Variants in CFAP20DC observed in about 807,000 individuals in gnomAD.
CFAP20DC encodes CFAP20 domain containing, also known as protein CFAP20DC.
Under a neutral mutation model 101.7 loss-of-function variants are expected in CFAP20DC, and 84 were observed. The observed-to-expected ratio is 0.83, with a 90% CI of 0.69 to 0.99. The LOEUF (loss-of-function observed/expected upper bound fraction) is 0.99. Ranked by LOEUF, CFAP20DC falls within the 50% of genes least tolerant of loss-of-function variation. The pLI, the probability that CFAP20DC is intolerant of heterozygous loss-of-function variation, is 0.00. For synonymous variants in CFAP20DC, 359 were observed against 351.2 expected, an observed-to-expected ratio of 1.02 and a Z score of -0.25; for missense variants, 1,007 against 970.3, an observed-to-expected ratio of 1.04 and a Z score of -0.50.
At position 58,863,654 on chromosome 3, in the gene CFAP20DC, C is replaced by A; in HGVS notation, c.1497G>T (p.Glu499Asp). The A allele has an allele frequency of 6.2e-7, 1 of 1,614,156 alleles. No individual in the cohort carries two copies. Among genetic ancestry groups the A allele is most frequent in the Non-Finnish European group, 8.5e-7 (1 of 1,180,040 alleles). Reference protein sequence around the residue: ...HGKTQTMSPEELSFILDLKED... With the variant: ...HGKTQTMSPEDLSFILDLKED... ...CTTTTAGATCCAAAATAAATGAGAG[C>A]TCCTCTGGGGACATAGTCTGAGTCT... is the stretch of plus-strand genomic sequence containing the variant. Residue 499 changes from glutamate (E) to aspartate (D), a missense_variant, in exon 12 of 17, where the codon GAG (glutamate) becomes GAT (aspartate). By Grantham distance (45) the Glu-to-Asp change is conservative. Coordinates refer to ENST00000482387, the MANE Select transcript of CFAP20DC (RefSeq NM_001394063.1). This position sits in a 1 kb window ranked among gnomAD's most constrained non-coding sequence, Gnocchi z 5.9.
Position 59,046,156 on chromosome 3 carries a change from G to C in CFAP20DC, c.205+73C>G, listed in dbSNP as rs1699843369. ...ATGTCAGTAGAAGTCATACTAATGT[G>C]CCTGTTTATGAGACATAAAAGCAGA... On this transcript the variant is annotated intron_variant, in intron 3 of 16. Coordinates refer to ENST00000482387, the MANE Select transcript of CFAP20DC (RefSeq NM_001394063.1). 1.9e-5 allele frequency: 19 copies of C among 988,024 alleles called. No individual in the cohort carries two copies. In the South Asian group the frequency reaches 2.8e-4, roughly 14 times the overall value. 61.2% of individuals were successfully genotyped at this position (988,024 alleles called of 1,614,324 possible).
chr3:58,787,345 G>C lies in CFAP20DC; in HGVS notation c.2237+19050C>G, dbSNP rs1218253674. Among the ~76,000 whole-genome samples the C allele has an allele frequency of 1.3e-4, 14 of 108,956 alleles. No individual in the cohort carries two copies. In the Admixed American group the frequency reaches 1.4e-3, roughly 11 times the overall value. 71.5% of individuals were successfully genotyped at this position (108,956 alleles called of 152,430 possible). A position where few individuals can be genotyped will look rare whatever the true frequency, so the allele number is the denominator to read the frequency against. On this transcript the variant is annotated intron_variant, in intron 15 of 16. Coordinates refer to ENST00000482387, the MANE Select transcript of CFAP20DC (RefSeq NM_001394063.1). ...CACACTCTGGGGACTGTTGTGGGGTGGGGGGAGGGGGGAGGGATAGCATTG... is the reference window on the plus strand; with the variant it reads ...CACACTCTGGGGACTGTTGTGGGGTCGGGGGAGGGGGGAGGGATAGCATTG...
intron 4 of CFAP20DC, among the ~76,000 whole-genome samples, chr3:58,960,993 T>C (rs2091085888): frequency 6.6e-6 from 1 of 152,164 alleles, no homozygotes; most frequent in Non-Finnish European, 1.5e-5. Flanking sequence ...GTCCCTATTA[T>C]GGTGATTATG....
At chr3:58,833,071 A>T (rs1305283783) in intron 13 of CFAP20DC, among the ~76,000 whole-genome samples, 1 of 152,142 alleles carries the variant, frequency 6.6e-6, no homozygotes, top group Non-Finnish European at 1.5e-5. Flanking sequence ...GCCTCATAGG[A>T]GTGTAAAAAA....
rs1180499009 is a variant in CFAP20DC at position 58,866,583 on chromosome 3, TG to T, written c.1240del (p.Gln414SerfsTer93). ...ATGCCAACCTGATTGATCAGGAGAC[TG>T]GGGTCCTAGAGTGCCGGAGTTCAAC... ...ELLNSGTLGP[Q>X]SPDQSDEWIF... On this transcript the variant is annotated frameshift_variant, in exon 11 of 17. Transcript: ENST00000482387. LOFTEE classifies it high-confidence loss of function. 5.0e-6 allele frequency: 8 copies of T among 1,611,770 alleles called. No homozygotes were observed. In the Admixed American group the frequency reaches 1.0e-4, roughly 20 times the overall value.
chr3:58,904,214 T>G (rs1445236452), intron 6 of CFAP20DC, among the ~76,000 whole-genome samples: 1 of 152,144 alleles, frequency 6.6e-6, no homozygotes, highest in Non-Finnish European at 1.5e-5. Context: ...TATTCCTAGG[T>G]AGTTAACTAT....
At chr3:58,966,538 T>G (rs974161918) in intron 4 of CFAP20DC, among the ~76,000 whole-genome samples, 1 of 150,014 alleles carries the variant, frequency 6.7e-6, no homozygotes, top group Admixed American at 6.7e-5. Flanking sequence ...ATATATATTT[T>G]TTTTAGACAG....
chr3:58,751,781 T>C (rs1347113347), intron 16 of CFAP20DC, among the ~76,000 whole-genome samples: 1 of 151,992 alleles, frequency 6.6e-6, no homozygotes, highest in Middle Eastern at 3.2e-3. Context: ...TGTGACTCAG[T>C]AGTTGTGGGA....
chr3:58,797,905 C>T (rs2073375870), intron 15 of CFAP20DC, among the ~76,000 whole-genome samples: 1 of 152,124 alleles, frequency 6.6e-6, no homozygotes, highest in African/African-American at 2.4e-5. Flanking sequence ...TGGATGAAGG[C>T]ACATCTGCTT....
chr3:58,981,427 G>A (rs1457813733), intron 4 of CFAP20DC, among the ~76,000 whole-genome samples: 21 of 152,188 alleles, frequency 1.4e-4, no homozygotes, highest in African/African-American at 4.6e-4. Context: ...GAACAAAGCC[G>A]GAGGCATCAC....
At chr3:59,012,763 G>A (rs1274151082) in intron 4 of CFAP20DC, among the ~76,000 whole-genome samples, 1 of 152,124 alleles carries the variant, frequency 6.6e-6, no homozygotes, top group Non-Finnish European at 1.5e-5. Context: ...GAAAAAGGAA[G>A]TAGAAATTAA....
At chr3:58,723,589 T>C (rs1466387953) in intron 3 of CFAP20DC, among the ~76,000 whole-genome samples, 1 of 152,248 alleles carries the variant, frequency 6.6e-6, no homozygotes, top group Non-Finnish European at 1.5e-5. Context: ...ATTTATTATA[T>C]GATTCTCTTT....
In CFAP20DC at chr3:58,863,029, G is replaced by A. The variant is rs1207371175; in HGVS notation, c.1593+529C>T. The A allele has an allele frequency of 2.0e-6, 2 of 987,174 alleles. No individual in the cohort carries two copies. Among genetic ancestry groups the A allele is most frequent in the South Asian group, 4.7e-5 (1 of 21,296 alleles). 61.2% of individuals were successfully genotyped at this position (987,174 alleles called of 1,614,324 possible). A position where few individuals can be genotyped will look rare whatever the true frequency, so the allele number is the denominator to read the frequency against. On this transcript the variant is annotated intron_variant, in intron 12 of 16. Transcript: ENST00000482387. The surrounding 1 kb of genome is among the most constrained non-coding windows in gnomAD (Gnocchi z 5.9). ...AAACAGAAAATCTCCTGTAAGGCAA[G>A]TCCCAGCACTAATCCACGACTCATT... is the stretch of plus-strand genomic sequence containing the variant.
intron 4 of CFAP20DC, among the ~76,000 whole-genome samples, chr3:59,016,446 T>C (rs1028393859): frequency 2.6e-5 from 4 of 151,900 alleles, no homozygotes; most frequent in African/African-American, 9.7e-5. Context: ...ATAGGAGAAA[T>C]GAGTTTTGGT....
chr3:58,944,251 G>A (rs551182387), intron 4 of CFAP20DC, among the ~76,000 whole-genome samples: 1 of 152,240 alleles, frequency 6.6e-6, no homozygotes, highest in East Asian at 1.9e-4. Context: ...CTCGAGAAGA[G>A]CAACCTGAAG....
At chr3:58,937,238 C>T (rs1270344283) in intron 5 of CFAP20DC, among the ~76,000 whole-genome samples, 1 of 152,198 alleles carries the variant, frequency 6.6e-6, no homozygotes, top group Non-Finnish European at 1.5e-5. Context: ...CTCTTTCCAG[C>T]GTCCACGCTT....
chr3:58,935,819 C>G (rs1576382156), intron 5 of CFAP20DC, among the ~76,000 whole-genome samples: 1 of 152,168 alleles, frequency 6.6e-6, no homozygotes, highest in South Asian at 2.1e-4. Flanking sequence ...CCATAAAAAC[C>G]CTAGAAGAAA....
chr3:58,863,978 G>T lies in CFAP20DC; in HGVS notation c.1259-86C>A. 4 of 1,317,408 alleles carry T rather than the reference G, an allele frequency of 3.0e-6. No homozygotes were observed. The highest frequency in any genetic ancestry group is 4.0e-6 in the Non-Finnish European group (4 of 993,240). The allele number at this position is 1,317,408 out of a possible 1,614,324, so 81.6% of individuals were successfully genotyped here. A position where few individuals can be genotyped will look rare whatever the true frequency, so the allele number is the denominator to read the frequency against. ...TTATTTATTTTTAGTTTTAGTTTTT[G>T]AGACAGTCTCACTCTGCCGCCTAGG... On this transcript the variant is annotated intron_variant, in intron 11 of 16. Coordinates refer to ENST00000482387, the MANE Select transcript of CFAP20DC (RefSeq NM_001394063.1). This position sits in a 1 kb window ranked among gnomAD's most constrained non-coding sequence, Gnocchi z 5.9.
At chr3:58,846,681 A>C (rs1041524524) in intron 13 of CFAP20DC, among the ~76,000 whole-genome samples, 3 of 151,932 alleles carry the variant, frequency 2.0e-5, no homozygotes, top group Non-Finnish European at 2.9e-5. Context: ...GTTTATATGG[A>C]ACCAAAAAAG....
Sources: gnomAD v4.1 joint callset for allele counts (sites outside exome capture counted in the v4.1 genomes callset) on GRCh38, gnomAD v4.1.1 for gene constraint, Gnocchi (gnomAD v3.1) non-coding constraint, MANE v1.5 for transcripts, NCBI Gene and HGNC (gene_info 2026-07-23, HGNC 2026-07-21) for gene names.